The following RGP1 variants were observed in gnomAD, a reference collection of about 807,000 sequenced individuals.
The protein encoded by RGP1 is RGP1 partner of RAB6A GEF complex, also known as RAB6A-GEF complex partner protein 2.
RGP1 carries 28 observed loss-of-function variants against 44.5 expected under a neutral mutation model. The ratio of observed to expected loss-of-function variants is 0.63; its 90% CI spans 0.47 to 0.86. The LOEUF (loss-of-function observed/expected upper bound fraction) is 0.86, where lower values mean the gene tolerates loss of function less well. RGP1 is among the 40% of genes least tolerant of loss of function. The pLI is 0.00. For missense variants in RGP1, 417 were observed against 490.7 expected, an observed-to-expected ratio of 0.85 and a Z score of 1.42; for synonymous variants, 212 against 196.7, an observed-to-expected ratio of 1.08 and a Z score of -0.65.
rs1389811306 is a variant in RGP1 at position 35,750,301 on chromosome 9, C to G, written c.175C>G (p.Arg59Gly). The G allele has an allele frequency of 1.9e-6, 3 of 1,613,768 alleles. No homozygotes were observed. Among genetic ancestry groups the G allele is most frequent in the Non-Finnish European group, 2.5e-6 (3 of 1,179,850 alleles). Residue 59 changes from arginine to glycine, a missense_variant, in exon 3 of 9, where the codon CGA (arginine) becomes GGA (glycine). Transcript: ENST00000378078. ...IHCQFHASES[R>G]VALPPPDSSQ... Reference sequence around the variant, plus strand: ...CTGCCAGTTCCATGCCAGTGAGAGTCGAGTAGCACTGCCTCCTCCTGACTC... The same window carrying G: ...CTGCCAGTTCCATGCCAGTGAGAGTGGAGTAGCACTGCCTCCTCCTGACTC...
chr9:35,780,986 T>C, the RGP1 span, among the ~76,000 whole-genome samples: 2 of 152,142 alleles, frequency 1.3e-5, no homozygotes, highest in Non-Finnish European at 2.9e-5. Flanking sequence ...TAAAATATAC[T>C]GCCAATGTAA....
At chr9:35,780,660 C>T in the RGP1 span, 1 of 152,204 alleles carries the variant, frequency 6.6e-6, no homozygotes, top group African/African-American at 2.4e-5. Context: ...CACTTGAGCT[C>T]AGCAGTTTGA....
In RGP1 at chr9:35,749,621, T is replaced by A. The variant is rs1827193421; in HGVS notation, c.-19-116T>A. 1.4e-6 allele frequency: 1 copy of A among 701,262 alleles called. No individual in the cohort carries two copies. The highest frequency in any genetic ancestry group is 1.8e-5 in the African/African-American group (1 of 55,858). The allele number at this position is 701,262 out of a possible 1,614,324, so 43.4% of individuals were successfully genotyped here. A position where few individuals can be genotyped will look rare whatever the true frequency, so the allele number is the denominator to read the frequency against. ...GCCTACCCCTCCTATATCCAGGAGC[T>A]CCCTCGGGCACCACGGTGCTGACCA... is the stretch of plus-strand genomic sequence containing the variant. On this transcript the variant is annotated intron_variant, in intron 1 of 8. Transcript: ENST00000378078. This position sits in a 1 kb window ranked among gnomAD's most constrained non-coding sequence, Gnocchi z 4.4.
At chr9:35,762,820 T>C (rs1827430518), downstream of RGP1, among the ~76,000 whole-genome samples, 1 of 152,042 alleles carries the variant, frequency 6.6e-6, no homozygotes, top group Non-Finnish European at 1.5e-5. Flanking sequence ...ACTGGCTTCC[T>C]TGAAGATTTT....
At chr9:35,751,132 C>T in intron 5 of RGP1, 134 bp from the exon 6 acceptor site, 1 of 1,450,822 alleles carries the variant, frequency 6.9e-7, no homozygotes, top group Non-Finnish European at 9.5e-7. Flanking sequence ...AGGGAGGGTT[C>T]TGGAGATAGA....
At chr9:35,763,639 T>G in the RGP1 span, among the ~76,000 whole-genome samples, 1 of 152,152 alleles carries the variant, frequency 6.6e-6, no homozygotes, top group Non-Finnish European at 1.5e-5. Flanking sequence ...CCCAGCACTT[T>G]GAGAGGCCAA....
At chr9:35,770,492 G>GGAGAGAGAGAGAGAGAGAGA in the RGP1 span, among the ~76,000 whole-genome samples, 4 of 107,108 alleles carry the variant, frequency 3.7e-5, no homozygotes, top group East Asian at 2.3e-4. Context: ...GTATTACCAT[G>GGAGAGAGAGAGAGAGAGAGA]GAGAGAGAGA....
Position 35,755,810 on chromosome 9 carries a change from C to T in RGP1, c.*2936C>T, listed in dbSNP as rs542674449. 4 of 152,290 alleles carry T rather than the reference C, an allele frequency of 2.6e-5. No individual in the cohort carries two copies. Among genetic ancestry groups the T allele is most frequent in the Admixed American group, 2.6e-4 (4 of 15,298 alleles). The allele number at this position is 152,290 out of a possible 1,614,324, so 9.4% of individuals were successfully genotyped here. ...GGCCTGTGGCCTGGGGGATGGAGACCCCTAATCCATGTCACCTTTCCCACC... is the reference window on the plus strand; with the variant it reads ...GGCCTGTGGCCTGGGGGATGGAGACTCCTAATCCATGTCACCTTTCCCACC... On this transcript the variant is annotated 3_prime_UTR_variant, in exon 9 of 9. Transcript: ENST00000378078.
At chr9:35,785,556 T>C in the RGP1 span, among the ~76,000 whole-genome samples, 1 of 150,702 alleles carries the variant, frequency 6.6e-6, no homozygotes, top group African/African-American at 2.5e-5. Context: ...TGTGACATAA[T>C]TAGGTTTTTG....
At chr9:35,780,970 G>T in the RGP1 span, among the ~76,000 whole-genome samples, 1 of 152,070 alleles carries the variant, frequency 6.6e-6, no homozygotes, top group Non-Finnish European at 1.5e-5. Flanking sequence ...ACATTTATTT[G>T]AATTCTAAAA....
chr9:35,786,494 G>C, the RGP1 span, among the ~76,000 whole-genome samples: 1 of 152,242 alleles, frequency 6.6e-6, no homozygotes, highest in Non-Finnish European at 1.5e-5. Context: ...AGAGGGCAGA[G>C]AAGAACTGGG....
rs1361195776 is a variant in RGP1, at chr9:35,752,707, G to T, written c.1009G>T (p.Val337Leu). ...EFVTSREPGL[V>L]LLPPVEQPEP... ...TGTAACGTCCCGAGAACCAGGATTG[G>T]TACTCCTACCCCCTGTGGAACAGCC... is the stretch of plus-strand genomic sequence containing the variant. Residue 337 changes from valine to leucine, a missense_variant, in exon 9 of 9, where the codon GTA becomes TTA. Val to Leu is a conservative substitution (Grantham distance 32). Transcript: ENST00000378078. The T allele has an allele frequency of 6.2e-7, 1 of 1,613,620 alleles. No homozygotes were observed.
At position 35,753,048 on chromosome 9, in the gene RGP1, C is replaced by T. The variant is rs1827295146; in HGVS notation, c.*174C>T. ...TACATTGGCAGCTGCTAGTGGTTTC[C>T]CTGGAAGTGGCAGCAGCAGTGAGCA... On this transcript the variant is annotated 3_prime_UTR_variant, in exon 9 of 9. Transcript: ENST00000378078. The surrounding 1 kb of genome is among the most constrained non-coding windows in gnomAD (Gnocchi z 4.2). 6.9e-6 allele frequency: 11 copies of T among 1,595,738 alleles called. No individual in the cohort carries two copies. In the Middle Eastern group the frequency reaches 5.1e-4, roughly 74 times the overall value.
At chr9:35,760,106 A>G (rs1465076848), downstream of RGP1, among the ~76,000 whole-genome samples, 1 of 151,750 alleles carries the variant, frequency 6.6e-6, no homozygotes, top group Non-Finnish European at 1.5e-5. Flanking sequence ...GTCAGTTCTA[A>G]TCTTCTCCTT....
chr9:35,779,914 T>A, the RGP1 span, among the ~76,000 whole-genome samples: 15 of 151,424 alleles, frequency 9.9e-5, no homozygotes, highest in Admixed American at 2.0e-4. Flanking sequence ...TAAAAAAAAA[T>A]TTTCTTAGAG....
At chr9:35,789,237 C>T in the RGP1 span, among the ~76,000 whole-genome samples, 1 of 151,856 alleles carries the variant, frequency 6.6e-6, no homozygotes, top group African/African-American at 2.4e-5. Context: ...AGCCTAGTCT[C>T]GAACTCCTGA....
downstream of RGP1, among the ~76,000 whole-genome samples, chr9:35,760,824 G>A (rs781254488): frequency 4.6e-5 from 7 of 152,122 alleles, no homozygotes; most frequent in Non-Finnish European, 7.3e-5. Flanking sequence ...TTCCAGCTTT[G>A]CTTCCGCTTT....
chr9:35,788,580 A>C, the RGP1 span, among the ~76,000 whole-genome samples: 1 of 151,310 alleles, frequency 6.6e-6, no homozygotes, highest in South Asian at 2.1e-4. Context: ...AAAGAAAAAA[A>C]AAAAAAGAAA....
chr9:35,750,634 A>G (rs1360155689), intron 3 of RGP1, 24 bp from the exon 4 acceptor site: 2 of 1,611,124 alleles, frequency 1.2e-6, no homozygotes, highest in African/African-American at 2.7e-5. Context: ...GGGTCATTAA[A>G]TTAGTCATTT....
Sources: allele counts gnomAD v4.1 joint callset (sites outside exome capture counted in the v4.1 genomes callset), GRCh38; gene constraint gnomAD v4.1.1; non-coding constraint Gnocchi (gnomAD v3.1); transcripts MANE v1.5; gene names NCBI Gene and HGNC (gene_info 2026-07-23, HGNC 2026-07-21).